DLG2: variants seen among roughly 807,000 people sequenced by gnomAD.
DLG2 encodes the protein discs large MAGUK scaffold protein 2, also known as disks large homolog 2.
Under a neutral mutation model 132.5 loss-of-function variants are expected in DLG2, and 45 were observed. That is an observed-to-expected ratio of 0.34 (90% CI 0.27 to 0.44). The LOEUF is 0.44. Ranked by LOEUF, DLG2 falls within the 20% of genes least tolerant of loss-of-function variation. The pLI is 1.00. For synonymous variants in DLG2, 424 were observed against 419.6 expected (o/e 1.01, Z -0.13); for missense variants, 1,045 against 1,196.9 (o/e 0.87, Z 1.87).
In DLG2 at chr11:85,548,352, G is replaced by C. The variant is rs542587341; in HGVS notation, c.40+50305C>G. Reference sequence around the variant, plus strand: ...CAGCAAAGATTGCTGCCTGTTCCTTGCTCTGGAAGTTTCGTCCCAGAGGGG... The same window carrying C: ...CAGCAAAGATTGCTGCCTGTTCCTTCCTCTGGAAGTTTCGTCCCAGAGGGG... On this transcript the variant is annotated intron_variant, in intron 3 of 27. Transcript: ENST00000376104. 5.3e-5 allele frequency among the ~76,000 whole-genome samples: 8 copies of C among 152,310 alleles called. No homozygotes were observed. In the East Asian group the frequency reaches 1.5e-3, roughly 29 times the overall value.
At chr11:85,154,133 G>T (rs1258839260) in intron 5 of DLG2, among the ~76,000 whole-genome samples, 1 of 47,322 alleles carries the variant, frequency 2.1e-5, no homozygotes, top group Non-Finnish European at 4.3e-5. Flanking sequence ...TCTTCTTTTG[G>T]AGAAAAAAAA....
chr11:83,596,167 T>C (rs2057544172), intron 19 of DLG2, among the ~76,000 whole-genome samples: 1 of 152,340 alleles, frequency 6.6e-6, no homozygotes, highest in Admixed American at 6.5e-5. Flanking sequence ...ATGACTGTCA[T>C]CACATCAAAT....
intron 6 of DLG2, among the ~76,000 whole-genome samples, chr11:85,072,513 T>C (rs918739650): frequency 6.6e-6 from 1 of 151,838 alleles, no homozygotes; most frequent in Non-Finnish European, 1.5e-5. Context: ...TTCTTAAGTA[T>C]TGATGATAAT....
At chr11:83,516,377 G>T (rs2095294015) in intron 21 of DLG2, among the ~76,000 whole-genome samples, 1 of 152,070 alleles carries the variant, frequency 6.6e-6, no homozygotes, top group African/African-American at 2.4e-5. Context: ...CACTTGCTTG[G>T]TAGATCTTCC....
intron 6 of DLG2, among the ~76,000 whole-genome samples, chr11:84,917,818 T>A (rs2092560172): frequency 6.6e-6 from 1 of 152,146 alleles, no homozygotes; most frequent in Non-Finnish European, 1.5e-5. Context: ...CAAATTGGTG[T>A]CCAAATGGCT....
intron 6 of DLG2, among the ~76,000 whole-genome samples, chr11:84,775,398 A>G (rs765110497): frequency 6.6e-6 from 1 of 152,198 alleles, no homozygotes; most frequent in African/African-American, 2.4e-5. Context: ...CAGAACTACT[A>G]TTCAACCCAG....
intron 7 of DLG2, among the ~76,000 whole-genome samples, chr11:84,291,982 T>C (rs1274960486): frequency 2.0e-5 from 3 of 152,196 alleles, no homozygotes; most frequent in Non-Finnish European, 2.9e-5. Context: ...TGGTGACACA[T>C]AATACTGCCC....
chr11:85,346,194 T>A (rs1161665589), intron 3 of DLG2, among the ~76,000 whole-genome samples: 2 of 151,808 alleles, frequency 1.3e-5, no homozygotes, highest in Non-Finnish European at 2.9e-5. Flanking sequence ...CTTTCTTTTT[T>A]TTTTTTTCTT....
chr11:85,067,691 G>A (rs568676562), intron 6 of DLG2, among the ~76,000 whole-genome samples: 112 of 151,966 alleles, frequency 7.4e-4, no homozygotes, highest in African/African-American at 2.5e-3. Context: ...ATTCACAGCC[G>A]AATTCTACCA....
chr11:84,452,431 T>C (rs2099054166), intron 7 of DLG2, among the ~76,000 whole-genome samples: 1 of 151,796 alleles, frequency 6.6e-6, no homozygotes, highest in East Asian at 1.9e-4. Flanking sequence ...AATGTTTTAA[T>C]AGGATTACTC....
intron 6 of DLG2, among the ~76,000 whole-genome samples, chr11:85,075,539 C>G (rs917253961): frequency 4.6e-5 from 7 of 151,672 alleles, no homozygotes; most frequent in Admixed American, 4.6e-4. Flanking sequence ...CTGAAATAAG[C>G]AAATTTCAAA....
rs570035917 is a variant in DLG2 at position 85,046,996 on chromosome 11, T to G, written c.357+64665A>C. Among the ~76,000 whole-genome samples, 38 of 152,102 alleles carry G rather than the reference T, an allele frequency of 2.5e-4. No homozygotes were observed. The East Asian group carries it at 4.5e-3, about 18-fold the overall frequency. Reference sequence around the variant, plus strand: ...TAAAAAGCTTTATTTTAATATTTCCTTGGCTACTTTTCCATAGAACACAGT... The same window carrying G: ...TAAAAAGCTTTATTTTAATATTTCCGTGGCTACTTTTCCATAGAACACAGT... On this transcript the variant is annotated intron_variant, in intron 6 of 27. Transcript: ENST00000376104.
intron 4 of DLG2, among the ~76,000 whole-genome samples, chr11:85,241,338 G>A (rs1288081487): frequency 6.6e-6 from 1 of 151,710 alleles, no homozygotes; most frequent in African/African-American, 2.4e-5. Context: ...TACCAAAAAT[G>A]TTGCTTTTAT....
At chr11:83,626,946 A>G (rs2062641119) in intron 19 of DLG2, among the ~76,000 whole-genome samples, 2 of 152,218 alleles carry the variant, frequency 1.3e-5, no homozygotes, top group South Asian at 4.2e-4. Context: ...TCTAAAAGTC[A>G]TCAGAAAGTC....
intron 4 of DLG2, among the ~76,000 whole-genome samples, chr11:85,182,255 G>T (rs1478017611): frequency 6.6e-6 from 1 of 151,854 alleles, no homozygotes; most frequent in Non-Finnish European, 1.5e-5. Flanking sequence ...TAACTTGCCT[G>T]AGGTTGCATA....
intron 15 of DLG2, among the ~76,000 whole-genome samples, chr11:83,916,663 C>T (rs1200392674): frequency 6.6e-6 from 1 of 152,102 alleles, no homozygotes; most frequent in Non-Finnish European, 1.5e-5. Flanking sequence ...ACAGACAAAA[C>T]AATTTAAAAT....
chr11:84,819,814 T>C (rs549116083), intron 6 of DLG2, among the ~76,000 whole-genome samples: 1 of 151,768 alleles, frequency 6.6e-6, no homozygotes, highest in African/African-American at 2.4e-5. Context: ...GCTTGACAAG[T>C]GATCACATGG....
At chr11:83,731,469 A>G (rs774689391) in intron 18 of DLG2, among the ~76,000 whole-genome samples, 3 of 152,128 alleles carry the variant, frequency 2.0e-5, no homozygotes, top group Non-Finnish European at 2.9e-5. Flanking sequence ...ACATGATTTC[A>G]TTCCTTTTTT....
chr11:83,633,981 A>T (rs936783836), intron 18 of DLG2, among the ~76,000 whole-genome samples: 1 of 152,114 alleles, frequency 6.6e-6, no homozygotes, highest in Non-Finnish European at 1.5e-5. Flanking sequence ...AAACAAAAAA[A>T]AACTCCATGG....
Sources: allele counts gnomAD v4.1 joint callset (sites outside exome capture counted in the v4.1 genomes callset), GRCh38; gene constraint gnomAD v4.1.1; transcripts MANE v1.5; gene names NCBI Gene and HGNC (gene_info 2026-07-23, HGNC 2026-07-21).